Variants in AGXT2 observed in about 807,000 individuals in gnomAD.
AGXT2 encodes alanine--glyoxylate aminotransferase 2, mitochondrial.
A neutral mutation model predicts 62.5 loss-of-function variants in AGXT2; 61 were observed. That is an observed-to-expected ratio of 0.98 (90% CI 0.79 to 1.21). AGXT2 has a LOEUF of 1.21. Among genes scored for constraint, AGXT2 ranks in the 50% most tolerant of loss-of-function variants. The pLI is 0.00. For synonymous variants in AGXT2, 243 were observed against 218.7 expected (o/e 1.11, Z -0.98); for missense variants, 666 against 641.5 (o/e 1.04, Z -0.41).
chr5:35,028,013 C>T (rs1298532099), intron 7 of AGXT2, among the ~76,000 whole-genome samples: 2 of 151,640 alleles, frequency 1.3e-5, no homozygotes, highest in Non-Finnish European at 2.9e-5. Flanking sequence ...GGGGCTCCAG[C>T]TTTGTGGCAG....
At chr5:35,012,804 A>T in intron 11 of AGXT2, 150 bp downstream of exon 11, 1 of 804,504 alleles carries the variant, frequency 1.2e-6, no homozygotes, top group Non-Finnish European at 2.1e-6. Flanking sequence ...AGAAGGCAGA[A>T]TAATAAATGG....
In AGXT2 at chr5:35,027,081, G is replaced by GT. The variant is rs900926752; in HGVS notation, c.770-572dup. The GT allele has an allele frequency of 3.4e-6, 3 of 872,120 alleles. No individual in the cohort carries two copies. In the African/African-American group the frequency reaches 5.5e-5, roughly 16 times the overall value. The allele number at this position is 872,120 out of a possible 1,614,324, so 54.0% of individuals were successfully genotyped here. A position where few individuals can be genotyped will look rare whatever the true frequency, so the allele number is the denominator to read the frequency against. ...GCCCTTGGCACTTGGTCCTGTGCTT[G>GT]TTTTTAACAGGACTTTCTCCGATTA... is the stretch of plus-strand genomic sequence containing the variant. On this transcript the variant is annotated intron_variant, in intron 7 of 13. Transcript: ENST00000231420.
Position 35,013,051 on chromosome 5 carries a change from G to A in AGXT2, c.1097-6C>T. On this transcript the variant is annotated splice_polypyrimidine_tract_variant and splice_region_variant and intron_variant, in intron 10 of 13. Coordinates refer to ENST00000231420, the MANE Select transcript of AGXT2 (RefSeq NM_031900.4). The stretch of plus-strand genomic sequence containing the variant: ...CGCCAAAGATTTGGCAATCTCTAGA[G>A]GGAGAAAATAGAAGGTGTGGAAAGA... The A allele has an allele frequency of 6.4e-7, 1 of 1,551,314 alleles. No homozygotes were observed. Among genetic ancestry groups the A allele is most frequent in the Non-Finnish European group, 8.7e-7 (1 of 1,146,690 alleles).
chr5:35,027,837 T>C (rs1451556883), intron 7 of AGXT2, among the ~76,000 whole-genome samples: 1 of 149,924 alleles, frequency 6.7e-6, no homozygotes, highest in East Asian at 1.9e-4. Context: ...ATGCAAAGCC[T>C]TGGAGGGCCA....
chr5:35,030,483 G>A (rs1182893164), intron 7 of AGXT2, among the ~76,000 whole-genome samples: 1 of 150,808 alleles, frequency 6.6e-6, no homozygotes, highest in Non-Finnish European at 1.5e-5. Context: ...ACTCCAGTCT[G>A]GGGGACAAGA....
intron 9 of AGXT2, among the ~76,000 whole-genome samples, chr5:35,023,270 T>C (rs1446560952): frequency 6.6e-6 from 1 of 151,870 alleles, no homozygotes; most frequent in Admixed American, 6.6e-5. Flanking sequence ...AAAGGACTAA[T>C]ACGTGGGAAC....
intron 12 of AGXT2, among the ~76,000 whole-genome samples, chr5:35,007,206 T>C (rs1487562169): frequency 5.3e-5 from 8 of 152,370 alleles, no homozygotes; most frequent in African/African-American, 1.2e-4. Context: ...AGGCACCATC[T>C]ATGAACCAGA....
chr5:35,007,785 C>G (rs924873452), intron 12 of AGXT2, among the ~76,000 whole-genome samples: 2 of 152,160 alleles, frequency 1.3e-5, no homozygotes, highest in Admixed American at 1.3e-4. Flanking sequence ...GAAGTTTGAT[C>G]CCCAATGTTG....
chr5:35,014,133 T>G lies in AGXT2; in HGVS notation c.964-14A>C. 6.2e-7 allele frequency: 1 copy of G among 1,613,848 alleles called. No homozygotes were observed. The highest frequency in any genetic ancestry group is 2.2e-5 in the East Asian group (1 of 44,852). ...TCCTGTCTGCACCTGGGAAAACAAG[T>G]TCAAAACCATTGGAAACCCTTCAAG... On this transcript the variant is annotated splice_polypyrimidine_tract_variant and intron_variant, in intron 9 of 13. Coordinates refer to ENST00000231420, the MANE Select transcript of AGXT2 (RefSeq NM_031900.4).
rs367643320 is a variant in AGXT2 at position 35,035,338 on chromosome 5, G to A, written c.487-22C>T. On this transcript the variant is annotated intron_variant, in intron 4 of 13. Coordinates refer to ENST00000231420, the MANE Select transcript of AGXT2 (RefSeq NM_031900.4). ...TGACCTGGAGAGGAAAGGAAGACACGTGGCCTCATAATTTATTTCCTTATT... is the reference window on the plus strand; with the variant it reads ...TGACCTGGAGAGGAAAGGAAGACACATGGCCTCATAATTTATTTCCTTATT... 45 of 1,595,276 alleles carry A rather than the reference G, an allele frequency of 2.8e-5. No homozygotes were observed. The African/African-American group carries it at 4.7e-4, about 17-fold the overall frequency.
rs1011113523 is a variant in AGXT2, at chr5:35,010,376, G to T, written c.1189-227C>A. Among the ~76,000 whole-genome samples the T allele has an allele frequency of 2.0e-5, 3 of 152,156 alleles. No individual in the cohort carries two copies. In the East Asian group the frequency reaches 5.8e-4, roughly 29 times the overall value. On this transcript the variant is annotated intron_variant, in intron 11 of 13. Transcript: ENST00000231420. The stretch of plus-strand genomic sequence containing the variant: ...CCCAACTCCCTCACCTTCAGAGGTG[G>T]CTAAGTATTTAGGAAATAATAGGCC...
chr5:35,033,949 A>G (rs1381379310), intron 5 of AGXT2, among the ~76,000 whole-genome samples: 1 of 152,138 alleles, frequency 6.6e-6, no homozygotes, highest in Non-Finnish European at 1.5e-5. Flanking sequence ...CTGTTGTTCA[A>G]TATCTTTAGG....
intron 9 of AGXT2, among the ~76,000 whole-genome samples, chr5:35,015,634 G>A (rs537058850): frequency 1.3e-5 from 2 of 152,050 alleles, no homozygotes; most frequent in Non-Finnish European, 2.9e-5. Context: ...TGGATCACCT[G>A]AGGTCCGGAG....
intron 7 of AGXT2, 108 bp downstream of exon 7, chr5:35,032,624 C>T (rs1178851362): frequency 3.6e-6 from 4 of 1,103,958 alleles, no homozygotes; most frequent in Non-Finnish European, 5.4e-6. Flanking sequence ...TGGCTTTTCC[C>T]TTTTCCATGT....
chr5:35,016,510 C>G (rs1766855294), intron 9 of AGXT2, among the ~76,000 whole-genome samples: 1 of 152,146 alleles, frequency 6.6e-6, no homozygotes, highest in South Asian at 2.1e-4. Flanking sequence ...GAAAGTTTAT[C>G]CTTGCTGCAG....
chr5:34,998,375 C>T lies in AGXT2; in HGVS notation c.*344G>A. ...AAGAAAACTTTCCCTGAAGGCACCT[C>T]CACCAAAAGATTTTTCTTCAAGATT... On this transcript the variant is annotated 3_prime_UTR_variant, in exon 14 of 14. Coordinates refer to ENST00000231420, the MANE Select transcript of AGXT2 (RefSeq NM_031900.4). The T allele has an allele frequency of 3.2e-6, 1 of 315,864 alleles. No homozygotes were observed. 19.6% of individuals were successfully genotyped at this position (315,864 alleles called of 1,614,324 possible).
rs563956145 is a variant in AGXT2, at chr5:35,036,841, C to T, written c.486+101G>A. Reference sequence around the variant, plus strand: ...TGCCCATGTCCCTGCTTCCTAGGGACGCTCCCCTAGAATCATAAGACTCCT... The same window carrying T: ...TGCCCATGTCCCTGCTTCCTAGGGATGCTCCCCTAGAATCATAAGACTCCT... On this transcript the variant is annotated intron_variant, in intron 4 of 13. Coordinates refer to ENST00000231420, the MANE Select transcript of AGXT2 (RefSeq NM_031900.4). The T allele has an allele frequency of 5.7e-5, 89 of 1,560,352 alleles. No individual in the cohort carries two copies. In the African/African-American group the frequency reaches 5.8e-4, roughly 10 times the overall value.
intron 13 of AGXT2, 135 bp downstream of exon 13, chr5:35,003,628 T>G (rs910437594): frequency 1.2e-6 from 1 of 832,060 alleles, no homozygotes; most frequent in East Asian, 2.5e-5. Context: ...TGTGGCTGGG[T>G]ACCTCGGCAC....
chr5:35,037,115 C>A, intron 3 of AGXT2, 50 bp from the exon 4 acceptor site: 1 of 1,612,090 alleles, frequency 6.2e-7, no homozygotes, highest in Non-Finnish European at 8.5e-7. Flanking sequence ...CACGTCCCTC[C>A]TGCACACACC....
Sources: gnomAD v4.1 joint callset for allele counts (sites outside exome capture counted in the v4.1 genomes callset) on GRCh38, gnomAD v4.1.1 for gene constraint, MANE v1.5 for transcripts, NCBI Gene and HGNC (gene_info 2026-07-23, HGNC 2026-07-21) for gene names.